RIMS4: variants seen among roughly 807,000 people sequenced by gnomAD.
The protein encoded by RIMS4 is regulating synaptic membrane exocytosis protein 4.
A neutral mutation model predicts 29.0 loss-of-function variants in RIMS4; 9 were observed. That is an observed-to-expected ratio of 0.31 (90% CI 0.19 to 0.54). RIMS4 has a LOEUF of 0.54. Ranked by LOEUF, RIMS4 falls within the 20% of genes least tolerant of loss-of-function variation. The pLI is 0.94. For synonymous variants in RIMS4, 130 were observed against 152.9 expected (o/e 0.85, Z 1.10); for missense variants, 193 against 365.7 (o/e 0.53, Z 3.85).
At position 44,756,607 on chromosome 20, in the gene RIMS4, C is replaced by A. The variant is rs1371838107; in HGVS notation, c.592-255G>T. 6.6e-6 allele frequency among the ~76,000 whole-genome samples: 1 copy of A among 152,186 alleles called. No homozygotes were observed. The highest frequency in any genetic ancestry group is 2.4e-5 in the African/African-American group (1 of 41,432). On this transcript the variant is annotated intron_variant, in intron 5 of 5. Transcript: ENST00000372851. The surrounding 1 kb of genome is among the most constrained non-coding windows in gnomAD (Gnocchi z 5.9). ...CTTGCTGTAGGCAAAACTGCAAATA[C>A]TTTTCCTGCACACAGCACACATTCC...
At chr20:44,773,870 T>C (rs1427828674) in intron 1 of RIMS4, among the ~76,000 whole-genome samples, 3 of 152,166 alleles carry the variant, frequency 2.0e-5, no homozygotes, top group East Asian at 1.9e-4. Flanking sequence ...CACGGAGCTG[T>C]TGAGAGGCTT....
Position 44,757,660 on chromosome 20 carries a change from G to A in RIMS4, c.451+10C>T. 1 of 1,608,110 alleles carries A rather than the reference G, an allele frequency of 6.2e-7. No homozygotes were observed. Among genetic ancestry groups the A allele is most frequent in the Non-Finnish European group, 8.5e-7 (1 of 1,174,558 alleles). On this transcript the variant is annotated intron_variant, in intron 4 of 5. Coordinates refer to ENST00000372851, the MANE Select transcript of RIMS4 (RefSeq NM_182970.4). ...CACCCCCACCTTGCAGGGGAAGGTAGGCCCCAGACCTGGCAGTGTCTTGGA... is the reference window on the plus strand; with the variant it reads ...CACCCCCACCTTGCAGGGGAAGGTAAGCCCCAGACCTGGCAGTGTCTTGGA...
chr20:44,809,892 G>A (rs998140706), intron 1 of RIMS4, among the ~76,000 whole-genome samples: 1 of 152,072 alleles, frequency 6.6e-6, no homozygotes, highest in Non-Finnish European at 1.5e-5. Flanking sequence ...GACGAGGCAA[G>A]GGGCCTCCAA....
intron 2 of RIMS4, among the ~76,000 whole-genome samples, chr20:44,760,710 C>T (rs1055451809): frequency 2.0e-5 from 3 of 152,096 alleles, no homozygotes; most frequent in Admixed American, 6.6e-5. Flanking sequence ...ATTCAACCAA[C>T]AAATGTTTAC....
At chr20:44,777,476 C>A (rs576572135) in intron 1 of RIMS4, among the ~76,000 whole-genome samples, 2 of 152,250 alleles carry the variant, frequency 1.3e-5, no homozygotes, top group Admixed American at 1.3e-4. Context: ...TATAATTTAA[C>A]CCCACCATAA....
In RIMS4 at chr20:44,756,808, C is replaced by T. The variant is rs2066062577; in HGVS notation, c.591+90G>A. Reference sequence around the variant, plus strand: ...CTCCAGGCGAGGCCCTCCAGAGACACCCCCCGCCAGGGGTGCCCTCCTCTC... The same window carrying T: ...CTCCAGGCGAGGCCCTCCAGAGACATCCCCCGCCAGGGGTGCCCTCCTCTC... On this transcript the variant is annotated intron_variant, in intron 5 of 5. Transcript: ENST00000372851. This position sits in a 1 kb window ranked among gnomAD's most constrained non-coding sequence, Gnocchi z 5.9. 7.4e-6 allele frequency: 10 copies of T among 1,350,880 alleles called. No individual in the cohort carries two copies. The highest frequency in any genetic ancestry group is 6.9e-5 in the Admixed American group (3 of 43,692). The allele number at this position is 1,350,880 out of a possible 1,614,324, so 83.7% of individuals were successfully genotyped here.
chr20:44,777,348 G>T (rs888837451), intron 1 of RIMS4, among the ~76,000 whole-genome samples: 1 of 152,160 alleles, frequency 6.6e-6, no homozygotes, highest in African/African-American at 2.4e-5. Context: ...TTTAATGTAC[G>T]TTCTCCCAAA....
intron 1 of RIMS4, among the ~76,000 whole-genome samples, chr20:44,785,385 A>G (rs1950246336): frequency 6.6e-6 from 1 of 151,992 alleles, no homozygotes; most frequent in African/African-American, 2.4e-5. Flanking sequence ...TAATTACTTT[A>G]TTTTTTGTAG....
chr20:44,806,889 T>G (rs972960097), intron 1 of RIMS4, among the ~76,000 whole-genome samples: 10 of 152,202 alleles, frequency 6.6e-5, no homozygotes, highest in African/African-American at 2.4e-4. Context: ...TTTATAGGCT[T>G]GCTATGAGGA....
intron 2 of RIMS4, among the ~76,000 whole-genome samples, chr20:44,758,691 A>G (rs1476133415): frequency 2.6e-5 from 4 of 152,180 alleles, no homozygotes; most frequent in Non-Finnish European, 5.9e-5. Context: ...AGCCTGGCCA[A>G]TCAGGGCATC....
chr20:44,779,393 G>A lies in RIMS4; in HGVS notation c.98-7980C>T, dbSNP rs552704329. On this transcript the variant is annotated intron_variant, in intron 1 of 5. Transcript: ENST00000372851. ...CCAGTGCCCTACAGAAGGCCCACAT[G>A]CCACTTCCAGTTACTTTCCACCAAA... Among the ~76,000 whole-genome samples, 12 of 152,302 alleles carry A rather than the reference G, an allele frequency of 7.9e-5. No homozygotes were observed. The South Asian group carries it at 2.3e-3, about 29-fold the overall frequency.
intron 1 of RIMS4, among the ~76,000 whole-genome samples, chr20:44,783,842 T>G (rs971730991): frequency 6.6e-6 from 1 of 152,190 alleles, no homozygotes; most frequent in Admixed American, 6.5e-5. Context: ...AAATGGGATG[T>G]GAATGCTCAC....
At chr20:44,761,859 G>T (rs575376394) in intron 2 of RIMS4, among the ~76,000 whole-genome samples, 96 of 152,300 alleles carry the variant, frequency 6.3e-4, no homozygotes, top group African/African-American at 2.2e-3. Context: ...TAGACAGAAA[G>T]TATGAAAAAA....
At chr20:44,771,241 C>A (rs750240230) in intron 2 of RIMS4, 34 bp downstream of exon 2, 23 of 1,587,876 alleles carry the variant, frequency 1.4e-5, no homozygotes, top group Non-Finnish European at 2.0e-5. Flanking sequence ...CAAAAGACTG[C>A]AAGAACCAGG....
chr20:44,770,941 G>A (rs2066134607), intron 2 of RIMS4, among the ~76,000 whole-genome samples: 1 of 152,156 alleles, frequency 6.6e-6, no homozygotes, highest in African/African-American at 2.4e-5. Context: ...TATATGGATT[G>A]TAAACGTCTA....
intron 2 of RIMS4, among the ~76,000 whole-genome samples, chr20:44,762,286 G>A (rs1397226682): frequency 1.3e-5 from 2 of 152,122 alleles, no homozygotes; most frequent in African/African-American, 2.4e-5. Flanking sequence ...TACCCCTGGG[G>A]GAGGCCCCTG....
chr20:44,771,235 A>C (rs1053977684), intron 2 of RIMS4, 40 bp downstream of exon 2: 1 of 1,584,344 alleles, frequency 6.3e-7, no homozygotes, highest in South Asian at 1.1e-5. Context: ...CCACCACAAA[A>C]GACTGCAAGA....
At chr20:44,763,798 C>G (rs1255633075) in intron 2 of RIMS4, among the ~76,000 whole-genome samples, 1 of 152,184 alleles carries the variant, frequency 6.6e-6, no homozygotes, top group African/African-American at 2.4e-5. Flanking sequence ...AGGGGTTTGA[C>G]TCCATTCTCT....
intron 1 of RIMS4, among the ~76,000 whole-genome samples, chr20:44,774,394 C>T (rs2145456706): frequency 6.6e-6 from 1 of 152,176 alleles, no homozygotes; most frequent in South Asian, 2.1e-4. Flanking sequence ...GCAGACCCAC[C>T]CTCAATCTGG....
Sources: allele counts gnomAD v4.1 joint callset (sites outside exome capture counted in the v4.1 genomes callset), GRCh38; gene constraint gnomAD v4.1.1; non-coding constraint Gnocchi (gnomAD v3.1); transcripts MANE v1.5; gene names NCBI Gene and HGNC (gene_info 2026-07-23, HGNC 2026-07-21).